Variants in ZNF385C observed in about 807,000 individuals in gnomAD.
The protein encoded by ZNF385C is zinc finger protein 385C.
In ZNF385C, 28 loss-of-function variants were observed where a neutral mutation model predicts 35.4. That is an observed-to-expected ratio of 0.79 (90% CI 0.59 to 1.08). ZNF385C has a LOEUF of 1.08. Among genes scored for constraint, ZNF385C ranks in the 50% least tolerant of loss-of-function variants. The pLI is 0.00. For synonymous variants in ZNF385C, 248 were observed against 248.2 expected, an observed-to-expected ratio of 1.00 and a Z score of 0.01; for missense variants, 605 against 595.6, an observed-to-expected ratio of 1.02 and a Z score of -0.16.
intron 1 of ZNF385C, among the ~76,000 whole-genome samples, chr17:42,096,626 C>T (rs34422007): frequency 0.098 from 14,970 of 152,126 alleles, 1,490 homozygotes; most frequent in African/African-American, 0.25. Context: ...TATTTATCTT[C>T]CTGGAAAAAT....
chr17:42,028,402 C>A (rs1555654591), intron 6 of ZNF385C, among the ~76,000 whole-genome samples, 156 bp from the exon 7 acceptor site: 1 of 152,218 alleles, frequency 6.6e-6, no homozygotes, highest in African/African-American at 2.4e-5. Context: ...CCCCTCCCAG[C>A]TTCTGTCCTT....
At chr17:42,074,381 G>A (rs1002095459) in intron 1 of ZNF385C, among the ~76,000 whole-genome samples, 1 of 151,708 alleles carries the variant, frequency 6.6e-6, no homozygotes, top group African/African-American at 2.4e-5. Context: ...TTTCAATAAA[G>A]CAGTTACTAA....
chr17:42,081,808 C>T (rs1555659734), intron 1 of ZNF385C, among the ~76,000 whole-genome samples: 1 of 152,246 alleles, frequency 6.6e-6, no homozygotes, highest in African/African-American at 2.4e-5. Flanking sequence ...GCTACAGGAG[C>T]ACCACCTGAG....
At chr17:42,039,538 A>C in intron 2 of ZNF385C, 1 of 376,804 alleles carries the variant, frequency 2.7e-6, no homozygotes, top group Non-Finnish European at 3.5e-6. Flanking sequence ...CACAGCCCAC[A>C]GGGTGGGGGG....
chr17:42,046,009 T>C (rs1245936057), intron 2 of ZNF385C, among the ~76,000 whole-genome samples: 1 of 152,146 alleles, frequency 6.6e-6, no homozygotes, highest in Non-Finnish European at 1.5e-5. Flanking sequence ...GAGCCTAGAA[T>C]TCCCTCTCCC....
At chr17:42,030,207 C>T (rs1446644643) in intron 5 of ZNF385C, among the ~76,000 whole-genome samples, 4 of 151,172 alleles carry the variant, frequency 2.6e-5, no homozygotes, top group Admixed American at 6.6e-5. Flanking sequence ...AACTAGATAC[C>T]GGCCAGGCAG....
chr17:42,049,563 G>T (rs2053241842), intron 2 of ZNF385C, among the ~76,000 whole-genome samples: 1 of 152,222 alleles, frequency 6.6e-6, no homozygotes, highest in African/African-American at 2.4e-5. Flanking sequence ...TAAAACAGCT[G>T]CCTTTGACAT....
chr17:42,036,801 C>G (rs566735616), intron 3 of ZNF385C, among the ~76,000 whole-genome samples: 8 of 152,188 alleles, frequency 5.3e-5, no homozygotes, highest in African/African-American at 1.9e-4. Context: ...AGGACCACCC[C>G]CCAAATGCCT....
intron 3 of ZNF385C, among the ~76,000 whole-genome samples, chr17:42,037,301 G>A (rs567486464): frequency 9.0e-4 from 137 of 151,518 alleles, no homozygotes; most frequent in African/African-American, 2.5e-3. Context: ...ACAAACACAC[G>A]TTGGACACCA....
rs58127530 is a variant in ZNF385C, at chr17:42,057,497, TGCGCGCGC to T, written c.250+5302_250+5309del. Among the ~76,000 whole-genome samples, 73 of 46,870 alleles carry T rather than the reference TGCGCGCGC, an allele frequency of 1.6e-3. 1 individual carries two copies. The highest frequency in any genetic ancestry group is 5.2e-3 in the South Asian group (4 of 768). 30.7% of individuals were successfully genotyped at this position (46,870 alleles called of 152,430 possible). On this transcript the variant is annotated intron_variant, in intron 2 of 8. Transcript: ENST00000692273. ...AATCACTTAAAGTTATTTAGGGGTG[TGCGCGCGC>T]GCGCGCGCGTGTGTGTGTGTGTGTG...
intron 1 of ZNF385C, among the ~76,000 whole-genome samples, chr17:42,091,056 G>C (rs1316317850): frequency 1.3e-5 from 2 of 152,162 alleles, no homozygotes; most frequent in Non-Finnish European, 2.9e-5. Flanking sequence ...TGGGGCTTGG[G>C]GGTAGGGGCT....
intron 1 of ZNF385C, among the ~76,000 whole-genome samples, chr17:42,090,323 G>A (rs1158644093): frequency 8.9e-6 from 1 of 112,230 alleles, no homozygotes; most frequent in Non-Finnish European, 1.6e-5. Flanking sequence ...GTCTCGTTCT[G>A]TCGCCCAGGC....
chr17:42,069,382 G>A (rs1464268375), intron 1 of ZNF385C, among the ~76,000 whole-genome samples: 3 of 152,172 alleles, frequency 2.0e-5, no homozygotes, highest in Non-Finnish European at 4.4e-5. Flanking sequence ...CTTGGCCACC[G>A]TGAGGTGATG....
chr17:42,079,187 CAAA>C (rs141880528), intron 1 of ZNF385C, among the ~76,000 whole-genome samples: 40,482 of 113,614 alleles, frequency 0.36, 6,980 homozygotes, highest in Admixed American at 0.47. Context: ...CCCTGTCTCG[CAAA>C]AAAAAAAAAA....
At chr17:42,054,813 C>T (rs1371895967) in intron 2 of ZNF385C, among the ~76,000 whole-genome samples, 1 of 152,034 alleles carries the variant, frequency 6.6e-6, no homozygotes, top group Non-Finnish European at 1.5e-5. Context: ...AACTCCTGAC[C>T]TCAAATGATC....
intron 1 of ZNF385C, among the ~76,000 whole-genome samples, chr17:42,070,110 C>T (rs1482646928): frequency 1.3e-5 from 2 of 151,912 alleles, no homozygotes; most frequent in East Asian, 1.9e-4. Flanking sequence ...TTTGGGAGGC[C>T]GAGGCGGGCG....
At chr17:42,074,589 C>T (rs904819588) in intron 1 of ZNF385C, among the ~76,000 whole-genome samples, 1 of 152,206 alleles carries the variant, frequency 6.6e-6, no homozygotes, top group Non-Finnish European at 1.5e-5. Flanking sequence ...CAGGGTTTCA[C>T]CATGTTGTCC....
chr17:42,026,955 C>A lies in ZNF385C; in HGVS notation c.1454G>T (p.Arg485Leu). 1.2e-6 allele frequency: 2 copies of A among 1,610,772 alleles called. No individual in the cohort carries two copies. The highest frequency in any genetic ancestry group is 1.7e-6 in the Non-Finnish European group (2 of 1,178,386). The change falls in exon 9 of 9, where the codon CGC becomes CTC. Residue 485 changes from arginine to leucine, a missense_variant. Arg to Leu is a moderately radical substitution (Grantham distance 102). Coordinates refer to ENST00000692273, the MANE Select transcript of ZNF385C (RefSeq NM_001392013.1). ...PAPILGPALFRTPAGAVRPAT... is the reference protein window; with the variant it reads ...PAPILGPALFLTPAGAVRPAT... The stretch of plus-strand genomic sequence containing the variant: ...AGGGCGGACAGCTCCTGCTGGGGTG[C>A]GAAACAGAGCTGGGCCCAGGATGGG...
chr17:42,083,707 CTTT>C (rs59612634), intron 1 of ZNF385C, among the ~76,000 whole-genome samples: 3 of 49,938 alleles, frequency 6.0e-5, no homozygotes, highest in Non-Finnish European at 1.1e-4. Context: ...CTTTTCAAGT[CTTT>C]TTTTTTTTTT....
Sources: gnomAD v4.1 joint callset for allele counts (sites outside exome capture counted in the v4.1 genomes callset) on GRCh38, gnomAD v4.1.1 for gene constraint, MANE v1.5 for transcripts, NCBI Gene and HGNC (gene_info 2026-07-23, HGNC 2026-07-21) for gene names.